Variants in PGM1 observed in about 807,000 individuals in gnomAD.
PGM1 encodes phosphoglucomutase-1.
A neutral mutation model predicts 55.6 loss-of-function variants in PGM1; 52 were observed. The observed-to-expected ratio is 0.94, with a 90% CI of 0.75 to 1.18. PGM1 has a LOEUF of 1.18. PGM1 is among the 50% of genes most tolerant of loss of function. PGM1 has a pLI of 0.00. For missense variants in PGM1, 724 were observed against 729.3 expected (o/e 0.99, Z 0.08); for synonymous variants, 287 against 271.7 (o/e 1.06, Z -0.55).
chr1:63,611,432 C>T lies in PGM1; in HGVS notation c.246+17698C>T, dbSNP rs368338760. ...CATTGCAGGAAGGGAAGAGGGAGGCCGCCGGTGACTCAGCTGCCTTAACCC... is the reference window on the plus strand; with the variant it reads ...CATTGCAGGAAGGGAAGAGGGAGGCTGCCGGTGACTCAGCTGCCTTAACCC... On this transcript the variant is annotated intron_variant, in intron 1 of 10. Transcript: ENST00000371084. 5.9e-5 allele frequency among the ~76,000 whole-genome samples: 9 copies of T among 152,216 alleles called. No homozygotes were observed. The East Asian group carries it at 7.7e-4, about 13-fold the overall frequency.
In PGM1 at chr1:63,659,611, T is replaced by C; in HGVS notation, c.1625T>C (p.Ile542Thr). ...PQVMLAPLIS[I>T]ALKVSQLQER... ...GTCATGTTGGCCCCCCTTATTTCCA[T>C]TGCTCTGAAAGTGTCCCAGCTGCAG... Residue 542 changes from isoleucine to threonine, a missense_variant, in exon 11 of 11, where the codon ATT becomes ACT. By Grantham distance (89) the Ile-to-Thr change is moderately conservative (BLOSUM62 -1). Coordinates refer to ENST00000371084, the MANE Select transcript of PGM1 (RefSeq NM_002633.3). The C allele has an allele frequency of 6.2e-7, 1 of 1,613,972 alleles. No individual in the cohort carries two copies. The highest frequency in any genetic ancestry group is 8.5e-7 in the Non-Finnish European group (1 of 1,179,958).
chr1:63,595,887 T>G (rs1021335374), intron 1 of PGM1, among the ~76,000 whole-genome samples: 1 of 152,190 alleles, frequency 6.6e-6, no homozygotes, highest in African/African-American at 2.4e-5. Context: ...CTTTAGCCAT[T>G]GCCCTATTGC....
chr1:63,630,921 A>G (rs980947315), intron 3 of PGM1, among the ~76,000 whole-genome samples: 1 of 152,172 alleles, frequency 6.6e-6, no homozygotes, highest in East Asian at 1.9e-4. Context: ...AGAGCTGACA[A>G]TTGCATCCTA....
intron 1 of PGM1, among the ~76,000 whole-genome samples, chr1:63,608,803 A>G (rs888588667): frequency 6.6e-6 from 1 of 152,234 alleles, no homozygotes; most frequent in Non-Finnish European, 1.5e-5. Flanking sequence ...AATCCATGAG[A>G]AAATCACTTA....
At chr1:63,627,939 G>A (rs555787033) in intron 1 of PGM1, among the ~76,000 whole-genome samples, 19 of 152,236 alleles carry the variant, frequency 1.2e-4, no homozygotes, top group East Asian at 3.9e-4. Context: ...CACCATGGCC[G>A]CTAATGTGCT....
intron 9 of PGM1, 49 bp downstream of exon 9, chr1:63,651,901 C>G (rs1174533726): frequency 6.6e-7 from 1 of 1,508,298 alleles, no homozygotes; most frequent in Admixed American, 1.7e-5. Flanking sequence ...AGAGCTTCAT[C>G]TCTGACATCT....
rs374111261 is a variant in PGM1 at position 63,629,525 on chromosome 1, C to G, written c.347C>G (p.Ala116Gly). Residue 116 changes from alanine to glycine, a missense_variant, in exon 2 of 11, where the codon GCC (alanine) becomes GGC (glycine). Ala to Gly is a moderately conservative substitution (Grantham distance 60). Coordinates refer to ENST00000371084, the MANE Select transcript of PGM1 (RefSeq NM_002633.3). ...IKAIGGIILT[A>G]SHNPGGPNGD... is the part of the protein sequence containing the mutation. ...GCCATTGGTGGGATCATTCTGACAG[C>G]CAGTCACAACCCAGGGGGCCCCAAT... The G allele has an allele frequency of 1.9e-6, 3 of 1,613,660 alleles. No individual in the cohort carries two copies. Among genetic ancestry groups the G allele is most frequent in the Non-Finnish European group, 2.5e-6 (3 of 1,179,670 alleles).
chr1:63,642,999 T>G (rs1283242730), intron 7 of PGM1, among the ~76,000 whole-genome samples: 4 of 152,174 alleles, frequency 2.6e-5, no homozygotes, highest in Non-Finnish European at 5.9e-5. Context: ...CAATAGAAGG[T>G]GAAGTACAGG....
At chr1:63,641,818 C>T (rs186556417) in intron 7 of PGM1, among the ~76,000 whole-genome samples, 5 of 152,280 alleles carry the variant, frequency 3.3e-5, no homozygotes, top group South Asian at 2.1e-4. Context: ...TCGAGCCTCC[C>T]GTAGAGCCCA....
chr1:63,653,675 T>C (rs2269233), intron 9 of PGM1, among the ~76,000 whole-genome samples: 36,630 of 152,010 alleles, frequency 0.24, 4,773 homozygotes, highest in Admixed American at 0.34. Context: ...AGATAATTGA[T>C]GTCCAGAGAT....
chr1:63,633,052 C>T (rs939183539), intron 4 of PGM1, among the ~76,000 whole-genome samples: 1 of 152,110 alleles, frequency 6.6e-6, no homozygotes, highest in Non-Finnish European at 1.5e-5. Context: ...AAAAAACTAA[C>T]TCCTGCCAGG....
Position 63,651,821 on chromosome 1 carries a change from A to G in PGM1, c.1433A>G (p.Asp478Gly), listed in dbSNP as rs1202905916. Residue 478 changes from aspartate (D) to glycine (G), a missense_variant, in exon 9 of 11, where the codon GAC (aspartate) becomes GGC (glycine). This residue lies in a region of PGM1 where 316 missense variants were observed against 313.1 expected (regional missense o/e 1.01). Coordinates refer to ENST00000371084, the MANE Select transcript of PGM1 (RefSeq NM_002633.3). Reference protein sequence around the residue: ...VEKADNFEYSDPVDGSISRNQ... With the variant: ...VEKADNFEYSGPVDGSISRNQ... The stretch of plus-strand genomic sequence containing the variant: ...AAGGCCGATAACTTTGAATACAGCG[A>G]CCCAGTGGATGGAAGCATTTCAAGA... The G allele has an allele frequency of 6.2e-7, 1 of 1,614,050 alleles. No individual in the cohort carries two copies. Among genetic ancestry groups the G allele is most frequent in the Non-Finnish European group, 8.5e-7 (1 of 1,179,962 alleles).
intron 1 of PGM1, among the ~76,000 whole-genome samples, chr1:63,597,967 A>C (rs1197387563): frequency 6.6e-6 from 1 of 151,976 alleles, no homozygotes; most frequent in Non-Finnish European, 1.5e-5. Context: ...CCCTTCTCAG[A>C]ATATATATTT....
Position 63,660,091 on chromosome 1 carries a change from A to G in PGM1, c.*416A>G. ...GAATCTTTCCCCCCATTTCCTGTTT[A>G]CATGTAACCCAACAAAATGCAATTT... On this transcript the variant is annotated 3_prime_UTR_variant, in exon 11 of 11. Transcript: ENST00000371084. 1 of 253,476 alleles carries G rather than the reference A, an allele frequency of 3.9e-6. No individual in the cohort carries two copies. The highest frequency in any genetic ancestry group is 5.2e-5 in the South Asian group (1 of 19,200). 15.7% of individuals were successfully genotyped at this position (253,476 alleles called of 1,614,324 possible).
intron 1 of PGM1, among the ~76,000 whole-genome samples, chr1:63,603,223 C>T (rs1284020138): frequency 6.6e-6 from 1 of 152,168 alleles, no homozygotes; most frequent in Non-Finnish European, 1.5e-5. Flanking sequence ...TTCAGGTGTC[C>T]CAGGTCACAA....
chr1:63,646,050 G>A (rs1469411044), intron 7 of PGM1, among the ~76,000 whole-genome samples: 3 of 152,128 alleles, frequency 2.0e-5, no homozygotes, highest in Admixed American at 6.6e-5. Context: ...TGACTGCCTA[G>A]GGAAGTTGGG....
intron 4 of PGM1, among the ~76,000 whole-genome samples, chr1:63,634,261 A>G (rs1291468704): frequency 6.6e-6 from 1 of 152,152 alleles, no homozygotes; most frequent in Non-Finnish European, 1.5e-5. Context: ...AAACATTTAT[A>G]ACATATCTGC....
At chr1:63,628,590 G>C (rs1649101607) in intron 1 of PGM1, among the ~76,000 whole-genome samples, 1 of 152,154 alleles carries the variant, frequency 6.6e-6, no homozygotes, top group South Asian at 2.1e-4. Context: ...AAAAATCCCT[G>C]TTTTTTAAGA....
Position 63,611,340 on chromosome 1 carries a change from A to C in PGM1, c.246+17606A>C, listed in dbSNP as rs563777850. On this transcript the variant is annotated intron_variant, in intron 1 of 10. Transcript: ENST00000371084. ...GTAGTGGGAGCAGCCCTTGCAAAAC[A>C]AGGAGATCCTTGTAGAAAGTAAAAG... Among the ~76,000 whole-genome samples, 14 of 152,260 alleles carry C rather than the reference A, an allele frequency of 9.2e-5. 1 individual carries two copies. The East Asian group carries it at 2.3e-3, about 25-fold the overall frequency.
Sources: gnomAD v4.1 joint callset for allele counts (sites outside exome capture counted in the v4.1 genomes callset) on GRCh38, gnomAD v4.1.1 for gene constraint, gnomAD v4.1.1 regional missense constraint, MANE v1.5 for transcripts, NCBI Gene and HGNC (gene_info 2026-07-23, HGNC 2026-07-21) for gene names.